Variants in LGR5 observed in about 807,000 individuals in gnomAD.
LGR5 encodes leucine-rich repeat-containing G protein-coupled receptor 5.
A neutral mutation model predicts 76.7 loss-of-function variants in LGR5; 54 were observed. That is an observed-to-expected ratio of 0.70 (90% CI 0.57 to 0.88). LGR5 has a LOEUF of 0.88. Ranked by LOEUF, LGR5 falls within the 40% of genes least tolerant of loss-of-function variation. The pLI is 0.00. For synonymous variants in LGR5, 406 were observed against 421.9 expected, an observed-to-expected ratio of 0.96 and a Z score of 0.46; for missense variants, 1,078 against 1,073.3, an observed-to-expected ratio of 1.00 and a Z score of -0.06.
intron 2 of LGR5, among the ~76,000 whole-genome samples, chr12:71,508,514 G>T (rs188681446): frequency 9.9e-5 from 15 of 152,096 alleles, no homozygotes; most frequent in Middle Eastern, 3.4e-3. Flanking sequence ...CCAGCACTTT[G>T]GGAGGCCAAG....
chr12:71,439,776 C>T (rs1482563716), upstream of LGR5: 2 of 357,322 alleles, frequency 5.6e-6, no homozygotes, highest in African/African-American at 2.1e-5. Context: ...CTTTAAAAAA[C>T]GAGCGTGCAA....
At chr12:71,487,030 T>C (rs1168961294) in intron 1 of LGR5, among the ~76,000 whole-genome samples, 2 of 152,128 alleles carry the variant, frequency 1.3e-5, no homozygotes, top group African/African-American at 4.8e-5. Flanking sequence ...TCCAGACCAT[T>C]TAGGTGGAAA....
chr12:71,475,301 C>T (rs1873279128), intron 1 of LGR5, among the ~76,000 whole-genome samples: 1 of 152,164 alleles, frequency 6.6e-6, no homozygotes, highest in African/African-American at 2.4e-5. Flanking sequence ...AATTAAAACA[C>T]TGTTCCCTTT....
In LGR5 at chr12:71,580,255, G is replaced by T. The variant is rs1444849732; in HGVS notation, c.1407-23G>T. On this transcript the variant is annotated intron_variant, in intron 15 of 17. Coordinates refer to ENST00000266674, the MANE Select transcript of LGR5 (RefSeq NM_003667.4). ...TTATCCGTTTCTTTAAGTGTTTTTT[G>T]TTTGGGTTTTGTTCATTTAAAGGGT... 7.6e-6 allele frequency: 12 copies of T among 1,574,436 alleles called. No individual in the cohort carries two copies. The Admixed American group carries it at 9.8e-5, about 13-fold the overall frequency.
At chr12:71,465,855 A>G (rs2137234381) in intron 1 of LGR5, among the ~76,000 whole-genome samples, 1 of 152,314 alleles carries the variant, frequency 6.6e-6, no homozygotes, top group Non-Finnish European at 1.5e-5. Flanking sequence ...CCACTCAGAA[A>G]AGTCTAAATA....
chr12:71,521,703 G>A (rs1029866548), intron 2 of LGR5, among the ~76,000 whole-genome samples: 1 of 152,178 alleles, frequency 6.6e-6, no homozygotes, highest in African/African-American at 2.4e-5. Flanking sequence ...AGGGGAGAAT[G>A]GATACTGGGG....
intron 1 of LGR5, among the ~76,000 whole-genome samples, chr12:71,454,496 C>G (rs1241849960): frequency 6.6e-6 from 1 of 152,118 alleles, no homozygotes; most frequent in Non-Finnish European, 1.5e-5. Context: ...GGATCTCTCT[C>G]AGACAAAGGG....
At position 71,440,125 on chromosome 12, in the gene LGR5, G is replaced by A; in HGVS notation, c.45G>A (p.Leu15=). 1 of 1,608,214 alleles carries A rather than the reference G, an allele frequency of 6.2e-7. No homozygotes were observed. The highest frequency in any genetic ancestry group is 2.2e-5 in the East Asian group (1 of 44,850). ...RLGVLLSLPV[L]LQLATGGSSP... is the part of the protein sequence containing the mutation. Reference sequence around the variant, plus strand: ...GTGTGCTCCTGTCCTTGCCTGTGCTGCTGCAGCTGGCGACCGGGGGCAGCT... The same window carrying A: ...GTGTGCTCCTGTCCTTGCCTGTGCTACTGCAGCTGGCGACCGGGGGCAGCT... Residue 15 remains leucine (L), a synonymous_variant, in exon 1 of 18, where the codon CTG becomes CTA. Coordinates refer to ENST00000266674, the MANE Select transcript of LGR5 (RefSeq NM_003667.4). This position sits in a 1 kb window ranked among gnomAD's most constrained non-coding sequence, Gnocchi z 5.3.
In LGR5 at chr12:71,566,842, A is replaced by G. The variant is rs1233063040; in HGVS notation, c.1000A>G (p.Thr334Ala). The G allele has an allele frequency of 4.3e-6, 7 of 1,613,216 alleles. No individual in the cohort carries two copies. The South Asian group carries it at 6.6e-5, about 15-fold the overall frequency. ...TATGTCTGGTTTGTGTTTTAACAGG[A>G]CTTTAACTGGAGCACAGATCTCATC... ...LTGTANLESL[T>A]LTGAQISSLP... Residue 334 changes from threonine to alanine, a missense_variant and splice_region_variant, in exon 11 of 18, where the codon ACT (threonine) becomes GCT (alanine). By Grantham distance (58) the Thr-to-Ala change is moderately conservative. Coordinates refer to ENST00000266674, the MANE Select transcript of LGR5 (RefSeq NM_003667.4).
intron 1 of LGR5, among the ~76,000 whole-genome samples, chr12:71,445,475 T>G (rs1871947169): frequency 1.3e-5 from 2 of 152,212 alleles, no homozygotes; most frequent in Non-Finnish European, 2.9e-5. Flanking sequence ...CACTTTAATT[T>G]AACCATTGTA....
chr12:71,443,942 G>A (rs187577930), intron 1 of LGR5, among the ~76,000 whole-genome samples: 59 of 151,870 alleles, frequency 3.9e-4, no homozygotes, highest in African/African-American at 1.4e-3. Flanking sequence ...ATGTAGTTTG[G>A]TTACTTTTTC....
chr12:71,476,814 T>C (rs1873355868), intron 1 of LGR5, among the ~76,000 whole-genome samples: 1 of 152,206 alleles, frequency 6.6e-6, no homozygotes, highest in Admixed American at 6.5e-5. Flanking sequence ...GGAGAGAATA[T>C]GTTGTGGCTA....
chr12:71,454,291 C>A (rs1281510487), intron 1 of LGR5, among the ~76,000 whole-genome samples: 1 of 152,096 alleles, frequency 6.6e-6, no homozygotes, highest in Non-Finnish European at 1.5e-5. Context: ...AATTAATAAA[C>A]CAGGAAGCTG....
chr12:71,571,848 T>G (rs1388063649), intron 12 of LGR5, among the ~76,000 whole-genome samples: 1 of 152,138 alleles, frequency 6.6e-6, no homozygotes, highest in Non-Finnish European at 1.5e-5. Flanking sequence ...GTGAATTGGG[T>G]GTGTTTGGGC....
chr12:71,540,270 A>G (rs764829801), intron 4 of LGR5, among the ~76,000 whole-genome samples: 19 of 152,240 alleles, frequency 1.2e-4, no homozygotes, highest in Non-Finnish European at 2.6e-4. Flanking sequence ...TGTCCAGATA[A>G]CCAGAGTACT....
At position 71,583,711 on chromosome 12, in the gene LGR5, A is replaced by T. The variant is rs768459308; in HGVS notation, c.1701A>T (p.Ile567=). Residue 567 remains isoleucine, a synonymous_variant, in exon 18 of 18, where the codon ATA becomes ATT. Transcript: ENST00000266674. ...TGATCAGAATTGGAGTGTGGACCAT[A>T]GCAGTTCTGGCACTTACTTGTAATG... is the stretch of plus-strand genomic sequence containing the variant. ...GWLIRIGVWT[I]AVLALTCNAL... 8.1e-6 allele frequency: 13 copies of T among 1,614,048 alleles called. No homozygotes were observed. The highest frequency in any genetic ancestry group is 1.3e-5 in the African/African-American group (1 of 74,912).
intron 1 of LGR5, among the ~76,000 whole-genome samples, chr12:71,497,804 C>T (rs1267487271): frequency 2.0e-5 from 3 of 152,146 alleles, no homozygotes; most frequent in African/African-American, 4.8e-5. Context: ...TATTTGTCTT[C>T]GACTGTGGCA....
At position 71,584,802 on chromosome 12, in the gene LGR5, C is replaced by A; in HGVS notation, c.*68C>A. The A allele has an allele frequency of 6.8e-7, 1 of 1,469,828 alleles. No homozygotes were observed. The highest frequency in any genetic ancestry group is 9.2e-7 in the Non-Finnish European group (1 of 1,087,506). The allele number at this position is 1,469,828 out of a possible 1,614,324, so 91.0% of individuals were successfully genotyped here. A position where few individuals can be genotyped will look rare whatever the true frequency, so the allele number is the denominator to read the frequency against. On this transcript the variant is annotated 3_prime_UTR_variant, in exon 18 of 18. Coordinates refer to ENST00000266674, the MANE Select transcript of LGR5 (RefSeq NM_003667.4). ...AAATGTGAGATTGAGTATATCAGAGCAGTAATTAATAAGAAGAGCTGAGGT... is the reference window on the plus strand; with the variant it reads ...AAATGTGAGATTGAGTATATCAGAGAAGTAATTAATAAGAAGAGCTGAGGT...
chr12:71,452,161 C>T (rs1872276931), intron 1 of LGR5, among the ~76,000 whole-genome samples: 1 of 152,220 alleles, frequency 6.6e-6, no homozygotes, highest in South Asian at 2.1e-4. Context: ...GAGCCCAGAG[C>T]TTTCCTGTGT....
Sources: gnomAD v4.1 joint callset for allele counts (sites outside exome capture counted in the v4.1 genomes callset) on GRCh38, gnomAD v4.1.1 for gene constraint, Gnocchi (gnomAD v3.1) non-coding constraint, MANE v1.5 for transcripts, NCBI Gene and HGNC (gene_info 2026-07-23, HGNC 2026-07-21) for gene names.